Variants in LRBA observed in about 807,000 individuals in gnomAD.
LRBA encodes the protein lipopolysaccharide-responsive and beige-like anchor protein.
In LRBA, 176 loss-of-function variants were observed where a neutral mutation model predicts 330.0. The ratio of observed to expected loss-of-function variants is 0.53; its 90% CI spans 0.47 to 0.60. The LOEUF (loss-of-function observed/expected upper bound fraction) is 0.60. Ranked by LOEUF, LRBA falls within the 20% of genes least tolerant of loss-of-function variation. The pLI, the probability that LRBA is intolerant of heterozygous loss-of-function variation, is 0.00. For synonymous variants in LRBA, 1,230 were observed against 1,193.0 expected, an observed-to-expected ratio of 1.03 and a Z score of -0.64; for missense variants, 3,259 against 3,444.8, an observed-to-expected ratio of 0.95 and a Z score of 1.35.
At chr4:150,935,229 T>G (rs919384763) in intron 2 of LRBA, among the ~76,000 whole-genome samples, 22 of 151,402 alleles carry the variant, frequency 1.5e-4, no homozygotes, top group African/African-American at 5.3e-4. Flanking sequence ...GTTTCCAAAC[T>G]GGAAATCTCT....
chr4:150,908,261 A>G, intron 11 of LRBA, 73 bp downstream of exon 11: 1 of 1,480,250 alleles, frequency 6.8e-7, no homozygotes, highest in South Asian at 1.3e-5. Flanking sequence ...CCTGAAAGGC[A>G]AAATATTGTA....
chr4:150,415,363 T>C, intron 47 of LRBA, 75 bp downstream of exon 47: 1 of 1,369,716 alleles, frequency 7.3e-7, no homozygotes. Flanking sequence ...CAAGGGTTAA[T>C]GATTATACAC....
intron 2 of LRBA, among the ~76,000 whole-genome samples, chr4:151,012,354 C>T (rs184918708): frequency 6.6e-6 from 1 of 152,324 alleles, no homozygotes; most frequent in East Asian, 1.9e-4. Flanking sequence ...TTCTAAAGAA[C>T]AGGAGTTCAA....
At chr4:150,809,603 C>G (rs989609489) in intron 31 of LRBA, among the ~76,000 whole-genome samples, 1 of 152,122 alleles carries the variant, frequency 6.6e-6, no homozygotes, top group Non-Finnish European at 1.5e-5. Flanking sequence ...GCCAGTAATC[C>G]CAACACTTTG....
intron 35 of LRBA, among the ~76,000 whole-genome samples, chr4:150,756,518 G>A (rs1425352799): frequency 1.3e-5 from 2 of 152,080 alleles, no homozygotes; most frequent in Non-Finnish European, 2.9e-5. Flanking sequence ...GCAAAGAATT[G>A]AGTTGAAAAA....
intron 40 of LRBA, among the ~76,000 whole-genome samples, chr4:150,571,109 T>C (rs986664717): frequency 4.6e-5 from 7 of 152,074 alleles, no homozygotes; most frequent in Non-Finnish European, 1.0e-4. Context: ...GTGGCAATCA[T>C]CTTTCTCTTA....
chr4:150,911,821 CT>C (rs1028179678), intron 9 of LRBA, among the ~76,000 whole-genome samples: 6 of 152,132 alleles, frequency 3.9e-5, no homozygotes, highest in Non-Finnish European at 8.8e-5. Flanking sequence ...CATCTAGTCC[CT>C]GGCTTTCTTT....
chr4:150,683,718 C>G lies in LRBA; in HGVS notation c.5755-1G>C. On this transcript the variant is annotated splice_acceptor_variant, in intron 36 of 56. Transcript: ENST00000651943. LOFTEE classifies it high-confidence loss of function. ...CTGCAGAATACTGGGCACACAGTGA[C>G]TTGGAGAGAAAAAAAAATAATACTA... 1 of 1,570,244 alleles carries G rather than the reference C, an allele frequency of 6.4e-7. No homozygotes were observed. Among genetic ancestry groups the G allele is most frequent in the African/African-American group, 1.4e-5 (1 of 73,314 alleles).
intron 44 of LRBA, among the ~76,000 whole-genome samples, chr4:150,450,045 A>C (rs187055335): frequency 2.0e-3 from 304 of 151,974 alleles, no homozygotes; most frequent in Non-Finnish European, 3.5e-3. Context: ...GTTGTCCATA[A>C]AAAAAAAGTT....
intron 2 of LRBA, among the ~76,000 whole-genome samples, chr4:150,944,865 T>TG (rs1026709767): frequency 2.0e-4 from 30 of 152,002 alleles, no homozygotes; most frequent in Non-Finnish European, 3.8e-4. Context: ...AATCATGGGG[T>TG]GGGGGGTTCT....
At chr4:150,450,991 T>C (rs185405597) in intron 44 of LRBA, among the ~76,000 whole-genome samples, 12 of 152,154 alleles carry the variant, frequency 7.9e-5, no homozygotes, top group African/African-American at 2.2e-4. Flanking sequence ...GATGGCACCA[T>C]TGCATTCCAG....
intron 40 of LRBA, among the ~76,000 whole-genome samples, chr4:150,498,456 A>G (rs1307280498): frequency 6.6e-6 from 1 of 152,182 alleles, no homozygotes; most frequent in African/African-American, 2.4e-5. Flanking sequence ...CTCATTTTTA[A>G]TTCAGTTTTT....
intron 51 of LRBA, among the ~76,000 whole-genome samples, chr4:150,311,676 T>A (rs944996480): frequency 2.0e-5 from 3 of 152,166 alleles, no homozygotes; most frequent in Non-Finnish European, 4.4e-5. Flanking sequence ...ATTGGATAAC[T>A]GTTTGATAAT....
At chr4:150,268,767 A>C (rs1331271590) in intron 56 of LRBA, among the ~76,000 whole-genome samples, 1 of 152,234 alleles carries the variant, frequency 6.6e-6, no homozygotes, top group African/African-American at 2.4e-5. Flanking sequence ...GATAAACAGC[A>C]TGTATGAATA....
At chr4:150,267,427 CAAAA>C (rs756947072) in intron 56 of LRBA, among the ~76,000 whole-genome samples, 1 of 135,660 alleles carries the variant, frequency 7.4e-6, no homozygotes, top group Admixed American at 7.1e-5. Flanking sequence ...AATGATGAGT[CAAAA>C]AAAACAAACA....
At chr4:150,689,964 T>A (rs999419804) in intron 36 of LRBA, among the ~76,000 whole-genome samples, 2 of 151,386 alleles carry the variant, frequency 1.3e-5, no homozygotes, top group Non-Finnish European at 2.9e-5. Context: ...GCATGAAAAA[T>A]ATGAAATACT....
chr4:150,275,554 C>T (rs1746646190), intron 56 of LRBA, among the ~76,000 whole-genome samples: 1 of 152,202 alleles, frequency 6.6e-6, no homozygotes, highest in African/African-American at 2.4e-5. Flanking sequence ...CCCAAAATCT[C>T]CTTAAGCTGA....
intron 34 of LRBA, among the ~76,000 whole-genome samples, chr4:150,796,482 T>C (rs1237428289): frequency 6.6e-6 from 1 of 151,996 alleles, no homozygotes; most frequent in Non-Finnish European, 1.5e-5. Flanking sequence ...CCCAATAATG[T>C]ATTTTATTCA....
intron 14 of LRBA, 50 bp from the exon 15 acceptor site, chr4:150,897,868 G>T: frequency 8.2e-7 from 1 of 1,215,626 alleles, no homozygotes; most frequent in Non-Finnish European, 1.2e-6. Flanking sequence ...GGACCTCAAA[G>T]CTGTCAAAGT....
Sources: gnomAD v4.1 joint callset for allele counts (sites outside exome capture counted in the v4.1 genomes callset) on GRCh38, gnomAD v4.1.1 for gene constraint, MANE v1.5 for transcripts, NCBI Gene and HGNC (gene_info 2026-07-23, HGNC 2026-07-21) for gene names.